The following ZNF365 variants were observed in gnomAD, a reference collection of about 807,000 sequenced individuals.
The protein encoded by ZNF365 is zinc finger protein 365.
In ZNF365, 22 loss-of-function variants were observed where a neutral mutation model predicts 35.0. The observed-to-expected ratio is 0.63, with a 90% CI of 0.45 to 0.90. The LOEUF (loss-of-function observed/expected upper bound fraction) is 0.90. Among genes scored for constraint, ZNF365 ranks in the 40% least tolerant of loss-of-function variants. The pLI is 0.00. For synonymous variants in ZNF365, 188 were observed against 196.2 expected, an observed-to-expected ratio of 0.96 and a Z score of 0.35; for missense variants, 448 against 500.3, an observed-to-expected ratio of 0.90 and a Z score of 1.00.
At chr10:62,419,494 GAA>G (rs751316684) in intron 3 of ZNF365, among the ~76,000 whole-genome samples, 20 of 124,830 alleles carry the variant, frequency 1.6e-4, no homozygotes, top group East Asian at 2.4e-4. Flanking sequence ...GTTTTTAAAG[GAA>G]AAAAAAAAAA....
chr10:62,384,460 C>T (rs1818992601), intron 2 of ZNF365, among the ~76,000 whole-genome samples: 1 of 152,186 alleles, frequency 6.6e-6, no homozygotes, highest in African/African-American at 2.4e-5. Context: ...ACGTAAATAA[C>T]ATATTTTTAT....
chr10:62,421,150 A>G (rs1840161690), intron 3 of ZNF365, among the ~76,000 whole-genome samples: 1 of 152,042 alleles, frequency 6.6e-6, no homozygotes, highest in Non-Finnish European at 1.5e-5. Flanking sequence ...TTTTGATTTG[A>G]TTGTTAATGT....
intron 3 of ZNF365, among the ~76,000 whole-genome samples, chr10:62,415,979 C>T (rs182387013): frequency 1.1e-4 from 16 of 152,132 alleles, no homozygotes; most frequent in African/African-American, 1.2e-4. Context: ...TATTTTATTC[C>T]GTGTTTATAG....
chr10:62,471,406 A>G (rs1841036224), intron 4 of ZNF365, among the ~76,000 whole-genome samples: 1 of 151,702 alleles, frequency 6.6e-6, no homozygotes, highest in South Asian at 2.1e-4. Context: ...TCTTTCTCAT[A>G]ATGATTTGAA....
At chr10:62,465,729 A>C (rs1840932348) in intron 4 of ZNF365, among the ~76,000 whole-genome samples, 1 of 152,148 alleles carries the variant, frequency 6.6e-6, no homozygotes, top group Non-Finnish European at 1.5e-5. Context: ...CCAGTTATCC[A>C]CATAACCTCA....
intron 3 of ZNF365, among the ~76,000 whole-genome samples, chr10:62,392,845 G>A (rs960838561): frequency 1.3e-5 from 2 of 151,912 alleles, no homozygotes; most frequent in African/African-American, 2.4e-5. Flanking sequence ...TTGACCAGGC[G>A]GGTCTGGAAC....
intron 4 of ZNF365, among the ~76,000 whole-genome samples, chr10:62,479,251 C>CA (rs1281140890): frequency 6.6e-6 from 1 of 152,174 alleles, no homozygotes; most frequent in Non-Finnish European, 1.5e-5. Context: ...ATATTCCTCC[C>CA]ACGTAGAAGA....
intron 3 of ZNF365, among the ~76,000 whole-genome samples, chr10:62,390,406 G>A (rs1383850583): frequency 1.3e-5 from 2 of 152,202 alleles, no homozygotes; most frequent in Non-Finnish European, 2.9e-5. Flanking sequence ...AACAATGGAA[G>A]GCAAGGAGGA....
chr10:62,415,133 A>G (rs948689708), intron 3 of ZNF365, among the ~76,000 whole-genome samples: 1 of 152,060 alleles, frequency 6.6e-6, no homozygotes, highest in Admixed American at 6.5e-5. Context: ...TAATTCCAAT[A>G]TCTAGGTTAC....
Position 62,475,590 on chromosome 10 carries a change from G to A in ZNF365, c.982-4286G>A, listed in dbSNP as rs372443753. Reference sequence around the variant, plus strand: ...TACAAGGCTCTCTCAGGTCAGGGTAGAAGAGAGGGAGCTTGCACTCTTTTC... The same window carrying A: ...TACAAGGCTCTCTCAGGTCAGGGTAAAAGAGAGGGAGCTTGCACTCTTTTC... On this transcript the variant is annotated intron_variant, in intron 4 of 4. Coordinates refer to the ZNF365 transcript ENST00000395255. 3.9e-5 allele frequency among the ~76,000 whole-genome samples: 6 copies of A among 152,318 alleles called. No individual in the cohort carries two copies. In the East Asian group the frequency reaches 7.7e-4, roughly 20 times the overall value.
At chr10:62,417,749 C>CAGT (rs1840097801) in intron 3 of ZNF365, among the ~76,000 whole-genome samples, 1 of 151,772 alleles carries the variant, frequency 6.6e-6, no homozygotes, top group Non-Finnish European at 1.5e-5. Flanking sequence ...GCATGGAATA[C>CAGT]AGCCTGAGTC....
At position 62,480,009 on chromosome 10, in the gene ZNF365, A is replaced by C. The variant is rs141094700; in HGVS notation, c.*113A>C. 27 of 1,507,672 alleles carry C rather than the reference A, an allele frequency of 1.8e-5. No homozygotes were observed. The African/African-American group carries it at 2.4e-4, about 13-fold the overall frequency. 93.4% of individuals were successfully genotyped at this position (1,507,672 alleles called of 1,614,324 possible). A position where few individuals can be genotyped will look rare whatever the true frequency, so the allele number is the denominator to read the frequency against. ...CAAATATTTATTAAGCATGTTTTAC[A>C]CTCCAGGAACTTTACAAGAAACTTG... On this transcript the variant is annotated 3_prime_UTR_variant, in exon 5 of 5. Coordinates refer to the ZNF365 transcript ENST00000395255.
rs1238700995 is a variant in ZNF365 at position 62,401,519 on chromosome 10, C to T, written c.*1730C>T. On this transcript the variant is annotated 3_prime_UTR_variant, in exon 5 of 5. Transcript: ENST00000395254. ...GTAGATCATTCATGTGATATATAAG[C>T]AGCTATCAAGTGGGCAAAAACATTG... The T allele has an allele frequency of 3.0e-6, 3 of 985,266 alleles. No homozygotes were observed. Among genetic ancestry groups the T allele is most frequent in the Admixed American group, 6.2e-5 (1 of 16,250 alleles). 61.0% of individuals were successfully genotyped at this position (985,266 alleles called of 1,614,324 possible). A position where few individuals can be genotyped will look rare whatever the true frequency, so the allele number is the denominator to read the frequency against.
chr10:62,450,408 C>T (rs998730489), intron 3 of ZNF365, among the ~76,000 whole-genome samples: 1 of 152,140 alleles, frequency 6.6e-6, no homozygotes, highest in South Asian at 2.1e-4. Context: ...ACACAGTTAC[C>T]GTGTGAACTG....
Position 62,417,456 on chromosome 10 carries a change from T to A in ZNF365, c.924+28880T>A, listed in dbSNP as rs1840093041. Among the ~76,000 whole-genome samples, 5 of 152,084 alleles carry A rather than the reference T, an allele frequency of 3.3e-5. No homozygotes were observed. The East Asian group carries it at 7.7e-4, about 23-fold the overall frequency. ...GTTTGGTTCAGCTACAGTTCATTCC[T>A]GCAGGCTTTACCTCTAAAGGGTTGG... On this transcript the variant is annotated intron_variant, in intron 3 of 4. Coordinates refer to the ZNF365 transcript ENST00000395255.
chr10:62,466,595 C>T (rs902963555), intron 4 of ZNF365, among the ~76,000 whole-genome samples: 23 of 152,158 alleles, frequency 1.5e-4, no homozygotes, highest in African/African-American at 5.6e-4. Flanking sequence ...TGAAATGACA[C>T]CCTAAGCATT....
rs144728579 is a variant in ZNF365, at chr10:62,427,819, G to T, written c.925-31922G>T. On this transcript the variant is annotated intron_variant, in intron 3 of 4. Transcript: ENST00000395255. The stretch of plus-strand genomic sequence containing the variant: ...GTGCTAGAAGGCGACTCCTGCACTG[G>T]GGATCTTCTCTGTTTCTGTTGTTGC... Among the ~76,000 whole-genome samples, 104 of 152,204 alleles carry T rather than the reference G, an allele frequency of 6.8e-4. 1 individual carries two copies. The highest frequency in any genetic ancestry group is 2.4e-3 in the African/African-American group (98 of 41,528).
chr10:62,376,952 A>G lies in ZNF365; in HGVS notation c.743+16A>G, dbSNP rs1589424055. On this transcript the variant is annotated intron_variant, in intron 2 of 4. Coordinates refer to ENST00000395254, the MANE Select transcript of ZNF365 (RefSeq NM_014951.3). ...GGAAAGAAGAGTAAGTGTTGCTGACAGGGGATGCTAACCCCATTGCTTTAA... is the reference window on the plus strand; with the variant it reads ...GGAAAGAAGAGTAAGTGTTGCTGACGGGGGATGCTAACCCCATTGCTTTAA... 1 of 816,740 alleles carries G rather than the reference A, an allele frequency of 1.2e-6. No homozygotes were observed. The highest frequency in any genetic ancestry group is 1.7e-6 in the Non-Finnish European group (1 of 592,626). 50.6% of individuals were successfully genotyped at this position (816,740 alleles called of 1,614,324 possible). A position where few individuals can be genotyped will look rare whatever the true frequency, so the allele number is the denominator to read the frequency against.
chr10:62,406,211 C>G (rs1467625207), downstream of ZNF365, among the ~76,000 whole-genome samples: 1 of 152,160 alleles, frequency 6.6e-6, no homozygotes, highest in Non-Finnish European at 1.5e-5. Context: ...GCAGAGCTCT[C>G]TCCATGCACT....
Sources: allele counts gnomAD v4.1 joint callset (sites outside exome capture counted in the v4.1 genomes callset), GRCh38; gene constraint gnomAD v4.1.1; transcripts MANE v1.5; gene names NCBI Gene and HGNC (gene_info 2026-07-23, HGNC 2026-07-21).